ZRANB3: variants seen among roughly 807,000 people sequenced by gnomAD.
ZRANB3 encodes DNA annealing helicase and endonuclease ZRANB3.
A neutral mutation model predicts 133.8 loss-of-function variants in ZRANB3; 125 were observed. The ratio of observed to expected loss-of-function variants is 0.93; its 90% CI spans 0.81 to 1.08. The LOEUF is 1.08. Among genes scored for constraint, ZRANB3 ranks in the 50% least tolerant of loss-of-function variants. The pLI is 0.00. For synonymous variants in ZRANB3, 387 were observed against 432.7 expected (o/e 0.89, Z 1.31); for missense variants, 1,229 against 1,275.5 (o/e 0.96, Z 0.56).
At position 135,230,562 on chromosome 2, in the gene ZRANB3, A is replaced by G. The variant is rs756061093; in HGVS notation, c.1905T>C (p.Asn635=). 1.8e-5 allele frequency: 29 copies of G among 1,573,642 alleles called. No homozygotes were observed. The highest frequency in any genetic ancestry group is 2.4e-5 in the Non-Finnish European group (28 of 1,165,076). Residue 635 remains asparagine (N), a synonymous_variant, in exon 13 of 21, where the codon AAT becomes AAC. Coordinates refer to ENST00000264159, the MANE Select transcript of ZRANB3 (RefSeq NM_032143.4). The part of the protein sequence containing the change: ...WQCSLCTYIN[N]SELPYCEMCE... Reference sequence around the variant, plus strand: ...ACATTTCACAATAAGGTAACTCTGAATTATTGATATAGGTGCAGAGACTAC... The same window carrying G: ...ACATTTCACAATAAGGTAACTCTGAGTTATTGATATAGGTGCAGAGACTAC...
At chr2:135,454,840 G>A (rs1321190881) in intron 2 of ZRANB3, among the ~76,000 whole-genome samples, 1 of 152,120 alleles carries the variant, frequency 6.6e-6, no homozygotes, top group Non-Finnish European at 1.5e-5. Flanking sequence ...CTCATTGGCT[G>A]ATGGGCACTT....
intron 3 of ZRANB3, among the ~76,000 whole-genome samples, chr2:135,358,821 C>T (rs1685549799): frequency 6.6e-6 from 1 of 151,958 alleles, no homozygotes; most frequent in Non-Finnish European, 1.5e-5. Context: ...ACCCTTCTGC[C>T]CCAATTGTGT....
rs1558965803 is a variant in ZRANB3, at chr2:135,392,354, A to AG, written c.162-1535_162-1534insC. ...CAAAATGAAAATACAAAAAAAAAAA[A>AG]AGGGGGGGGGGGCAGGAAAAAAACT... On this transcript the variant is annotated intron_variant, in intron 2 of 20. Transcript: ENST00000264159. Among the ~76,000 whole-genome samples, 14 of 114,298 alleles carry AG rather than the reference A, an allele frequency of 1.2e-4. No individual in the cohort carries two copies. In the East Asian group the frequency reaches 2.3e-3, roughly 19 times the overall value. The allele number at this position is 114,298 out of a possible 152,430, so 75.0% of individuals were successfully genotyped here. A position where few individuals can be genotyped will look rare whatever the true frequency, so the allele number is the denominator to read the frequency against.
intron 12 of ZRANB3, among the ~76,000 whole-genome samples, chr2:135,247,848 G>A (rs150180236): frequency 4.6e-5 from 7 of 152,290 alleles, no homozygotes; most frequent in South Asian, 2.1e-4. Flanking sequence ...GAGTCCAAGC[G>A]AAAGGGAGTG....
intron 8 of ZRANB3, among the ~76,000 whole-genome samples, chr2:135,306,019 C>T (rs1292875604): frequency 6.6e-6 from 1 of 152,110 alleles, no homozygotes; most frequent in Non-Finnish European, 1.5e-5. Flanking sequence ...TAGAATTCTC[C>T]CTTTGTCTTT....
chr2:135,237,047 A>G (rs1396276422), intron 12 of ZRANB3, among the ~76,000 whole-genome samples: 2 of 152,216 alleles, frequency 1.3e-5, no homozygotes, highest in Non-Finnish European at 2.9e-5. Context: ...CTCATCTGAC[A>G]AAGGGCTAAT....
At chr2:135,209,028 T>G in intron 17 of ZRANB3, 50 bp from the exon 18 acceptor site, 1 of 1,530,712 alleles carries the variant, frequency 6.5e-7, no homozygotes, top group Non-Finnish European at 9.0e-7. Context: ...TATAAAAATG[T>G]CTCTATTGCA....
chr2:135,241,970 A>T (rs748761824), intron 12 of ZRANB3, among the ~76,000 whole-genome samples: 1 of 152,128 alleles, frequency 6.6e-6, no homozygotes, highest in Non-Finnish European at 1.5e-5. Context: ...ACTTGAGGTC[A>T]GGAGTTCCAG....
chr2:135,266,661 A>G (rs1680264737), intron 11 of ZRANB3, among the ~76,000 whole-genome samples: 1 of 151,958 alleles, frequency 6.6e-6, no homozygotes. Context: ...GCTACTCAGG[A>G]GGCTGAGGCA....
At chr2:135,500,211 CTAA>C (rs143686970) in intron 2 of ZRANB3, among the ~76,000 whole-genome samples, 10,309 of 152,172 alleles carry the variant, frequency 0.068, 708 homozygotes, top group African/African-American at 0.18. Context: ...TCCTAGCAAA[CTAA>C]TATAGGCATT....
At chr2:135,241,727 G>A in intron 12 of ZRANB3, among the ~76,000 whole-genome samples, 1 of 152,062 alleles carries the variant, frequency 6.6e-6, no homozygotes, top group Admixed American at 6.6e-5. Context: ...TGGTAGGGAT[G>A]ATATTTTCAG....
At chr2:135,367,387 G>T (rs1685987167) in intron 3 of ZRANB3, among the ~76,000 whole-genome samples, 1 of 152,164 alleles carries the variant, frequency 6.6e-6, no homozygotes, top group Non-Finnish European at 1.5e-5. Flanking sequence ...TCTCATCCCA[G>T]TGTGCCCATG....
intron 15 of ZRANB3, among the ~76,000 whole-genome samples, chr2:135,219,859 A>G (rs898631756): frequency 3.3e-5 from 5 of 151,866 alleles, no homozygotes; most frequent in African/African-American, 1.2e-4. Context: ...GGTGCACAAC[A>G]TCCTGAAATC....
At chr2:135,375,672 G>A (rs368993957) in intron 3 of ZRANB3, among the ~76,000 whole-genome samples, 12 of 150,458 alleles carry the variant, frequency 8.0e-5, no homozygotes, top group East Asian at 7.8e-4. Flanking sequence ...GCGACAGAGC[G>A]AGACTCCATC....
chr2:135,350,031 G>A lies in ZRANB3; in HGVS notation c.544C>T (p.Arg182Ter), dbSNP rs780775027. ...GGTGTTCCTGTAAGAAGAATGGCTC[G>A]TCTGGCTTTCTGTACTATTGGCAAT... is the stretch of plus-strand genomic sequence containing the variant. ...ILLPIVQKARRAILLTGTPAL... is the reference protein window; with the variant it reads ...ILLPIVQKAR The change falls in exon 5 of 21, where the codon CGA becomes TGA. Residue 182 changes from arginine (R) to a stop codon, truncating the protein, a stop_gained. Coordinates refer to ENST00000264159, the MANE Select transcript of ZRANB3 (RefSeq NM_032143.4). LOFTEE classifies it high-confidence loss of function. The A allele has an allele frequency of 1.6e-5, 26 of 1,603,488 alleles. No individual in the cohort carries two copies. Among genetic ancestry groups the A allele is most frequent in the South Asian group, 2.2e-5 (2 of 90,410 alleles).
chr2:135,371,820 G>A (rs1686194486), intron 3 of ZRANB3, among the ~76,000 whole-genome samples: 1 of 152,112 alleles, frequency 6.6e-6, no homozygotes, highest in African/African-American at 2.4e-5. Flanking sequence ...AGGTGGAGGT[G>A]GAGGCTTTTG....
At chr2:135,297,672 G>A (rs563648402) in intron 8 of ZRANB3, among the ~76,000 whole-genome samples, 10 of 152,316 alleles carry the variant, frequency 6.6e-5, no homozygotes, top group South Asian at 2.1e-4. Flanking sequence ...CATCGCTCAC[G>A]CTGGGAGCTG....
chr2:135,452,070 G>C (rs1038409841), intron 2 of ZRANB3, among the ~76,000 whole-genome samples: 1 of 152,064 alleles, frequency 6.6e-6, no homozygotes, highest in African/African-American at 2.4e-5. Context: ...ACCAAAACTG[G>C]GAAGAAATAG....
intron 2 of ZRANB3, among the ~76,000 whole-genome samples, chr2:135,403,620 G>A (rs575420550): frequency 2.2e-4 from 33 of 152,304 alleles, no homozygotes; most frequent in African/African-American, 7.2e-4. Context: ...ATCCCAGCAC[G>A]CAGCTGGAGA....
Sources: allele counts gnomAD v4.1 joint callset (sites outside exome capture counted in the v4.1 genomes callset), GRCh38; gene constraint gnomAD v4.1.1; transcripts MANE v1.5; gene names NCBI Gene and HGNC (gene_info 2026-07-23, HGNC 2026-07-21).